VWA3B: variants seen among roughly 807,000 people sequenced by gnomAD.
VWA3B encodes the protein von Willebrand factor A domain-containing protein 3B.
In VWA3B, 138 loss-of-function variants were observed where a neutral mutation model predicts 158.3. The observed-to-expected ratio is 0.87, with a 90% confidence interval of 0.76 to 1.00. The LOEUF (loss-of-function observed/expected upper bound fraction) is 1.00. Among genes scored for constraint, VWA3B ranks in the 50% least tolerant of loss-of-function variants. The pLI, the probability that VWA3B is intolerant of heterozygous loss-of-function variation, is 0.00. For synonymous variants in VWA3B, 596 were observed against 587.3 expected (o/e 1.01, Z -0.21); for missense variants, 1,555 against 1,565.1 (o/e 0.99, Z 0.11).
chr2:98,329,424 G>A, the VWA3B span, among the ~76,000 whole-genome samples: 246 of 152,164 alleles, frequency 1.6e-3, 4 homozygotes, highest in Non-Finnish European at 8.4e-4. Context: ...GAAAATATTT[G>A]CAATACGTAT....
At chr2:98,241,808 G>A (rs1211543432) in intron 19 of VWA3B, among the ~76,000 whole-genome samples, 1 of 152,068 alleles carries the variant, frequency 6.6e-6, no homozygotes, top group Non-Finnish European at 1.5e-5. Flanking sequence ...GCACTGCACA[G>A]CACACTTGCC....
chr2:98,253,246 T>C (rs1335146434), intron 20 of VWA3B, among the ~76,000 whole-genome samples: 2 of 152,150 alleles, frequency 1.3e-5, no homozygotes, highest in Non-Finnish European at 2.9e-5. Context: ...ATAACATTTC[T>C]AAGGAGTTTT....
intron 6 of VWA3B, among the ~76,000 whole-genome samples, chr2:98,129,061 GTATT>G (rs1403243561): frequency 3.3e-5 from 5 of 151,540 alleles, no homozygotes; most frequent in African/African-American, 4.9e-5. Context: ...GGCTTAACAA[GTATT>G]TATTTCTTAC....
At chr2:98,192,824 C>T (rs1444301067) in intron 10 of VWA3B, 74 bp from the exon 11 acceptor site, 12 of 1,599,236 alleles carry the variant, frequency 7.5e-6, no homozygotes, top group Admixed American at 5.0e-5. Flanking sequence ...GCAGATGCAT[C>T]GTTAAGTTCT....
rs1677306501 is a variant in VWA3B, at chr2:98,147,921, A to G, written c.988+13982A>G. Among the ~76,000 whole-genome samples, 4 of 142,120 alleles carry G rather than the reference A, an allele frequency of 2.8e-5. No homozygotes were observed. The South Asian group carries it at 6.5e-4, about 23-fold the overall frequency. The allele number at this position is 142,120 out of a possible 152,430, so 93.2% of individuals were successfully genotyped here. ...TGTGTCCAAGTGTTCTCATTGTTCAATTCCCTATTCAGTTCCCTATGAGTG... is the reference window on the plus strand; with the variant it reads ...TGTGTCCAAGTGTTCTCATTGTTCAGTTCCCTATTCAGTTCCCTATGAGTG... On this transcript the variant is annotated intron_variant, in intron 7 of 27. Coordinates refer to ENST00000477737, the MANE Select transcript of VWA3B (RefSeq NM_144992.5).
intron 7 of VWA3B, among the ~76,000 whole-genome samples, chr2:98,142,723 ATAACT>A (rs1444312068): frequency 6.6e-6 from 1 of 152,226 alleles, no homozygotes; most frequent in Non-Finnish European, 1.5e-5. Context: ...GACCACTGAG[ATAACT>A]TAATTAGTTA....
At chr2:98,179,582 T>C (rs1370669373) in intron 8 of VWA3B, among the ~76,000 whole-genome samples, 1 of 152,184 alleles carries the variant, frequency 6.6e-6, no homozygotes. Context: ...CGCCTCCACC[T>C]CATCACTTCT....
chr2:98,225,793 CAGTG>C (rs1212193250), intron 14 of VWA3B, among the ~76,000 whole-genome samples: 1 of 150,800 alleles, frequency 6.6e-6, no homozygotes, highest in African/African-American at 2.4e-5. Flanking sequence ...GATAAAGTAA[CAGTG>C]AGCATGTGGA....
chr2:98,118,713 C>T (rs1469652981), intron 3 of VWA3B, among the ~76,000 whole-genome samples: 2 of 151,964 alleles, frequency 1.3e-5, no homozygotes, highest in African/African-American at 4.8e-5. Context: ...TGTATGGGAG[C>T]TCTGTTTTCA....
intron 16 of VWA3B, among the ~76,000 whole-genome samples, chr2:98,234,209 A>G (rs1208993850): frequency 1.3e-5 from 2 of 152,260 alleles, no homozygotes; most frequent in East Asian, 3.8e-4. Flanking sequence ...TGTGAAAAGC[A>G]GGGGCTATTT....
chr2:98,311,836 G>A lies in VWA3B; in HGVS notation c.3539G>A (p.Arg1180Lys). The stretch of plus-strand genomic sequence containing the variant: ...GTCTCTAGAGAGGATGTGGAGGCGA[G>A]GAACTCTGCTTTCCTCTTCTGGCCA... ...EDPEVEDVEA[R>K]NSAFLFWPLK... is the part of the protein sequence containing the mutation. The change falls in exon 27 of 28, where the codon AGG (arginine) becomes AAG (lysine). Residue 1180 changes from arginine to lysine, a missense_variant. Transcript: ENST00000477737. 6.2e-7 allele frequency: 1 copy of A among 1,608,798 alleles called. No individual in the cohort carries two copies. The highest frequency in any genetic ancestry group is 1.3e-5 in the African/African-American group (1 of 74,834).
chr2:98,162,891 G>A lies in VWA3B; in HGVS notation c.1029G>A (p.Glu343=). ...AGGACGTGTTTCTCGTTTGGCAAGAGATGGAGGAAGCCTGCAGCACGCTGG... is the reference window on the plus strand; with the variant it reads ...AGGACGTGTTTCTCGTTTGGCAAGAAATGGAGGAAGCCTGCAGCACGCTGG... The part of the protein sequence containing the change: ...VREDVFLVWQ[E]MEEACSTLAQ... The change falls in exon 8 of 28, where the codon GAG becomes GAA. Residue 343 remains glutamate (E), a synonymous_variant. Transcript: ENST00000477737. The A allele has an allele frequency of 6.2e-7, 1 of 1,613,982 alleles. No homozygotes were observed. The highest frequency in any genetic ancestry group is 8.5e-7 in the Non-Finnish European group (1 of 1,180,036).
chr2:98,269,716 A>G (rs1483874925), intron 21 of VWA3B, among the ~76,000 whole-genome samples: 1 of 152,006 alleles, frequency 6.6e-6, no homozygotes, highest in African/African-American at 2.4e-5. Context: ...AGGTGCCACA[A>G]CCTCTTCATT....
intron 13 of VWA3B, among the ~76,000 whole-genome samples, chr2:98,216,159 C>T (rs1683971734): frequency 6.6e-6 from 1 of 152,174 alleles, no homozygotes; most frequent in African/African-American, 2.4e-5. Flanking sequence ...TCCGAGGGAG[C>T]ATTATAAGGT....
intron 19 of VWA3B, among the ~76,000 whole-genome samples, chr2:98,238,077 A>T (rs1302185930): frequency 6.6e-6 from 1 of 152,236 alleles, no homozygotes; most frequent in Non-Finnish European, 1.5e-5. Context: ...ACTGGCCTTG[A>T]AATAGCTGAG....
chr2:98,270,448 T>G (rs1260587768), intron 21 of VWA3B, among the ~76,000 whole-genome samples: 1 of 152,210 alleles, frequency 6.6e-6, no homozygotes, highest in Non-Finnish European at 1.5e-5. Flanking sequence ...TAGGGAAAAG[T>G]GCCTACCATA....
chr2:98,329,822 T>TG, the VWA3B span, among the ~76,000 whole-genome samples: 82 of 152,314 alleles, frequency 5.4e-4, no homozygotes, highest in African/African-American at 2.0e-3. Flanking sequence ...GTGTCCTTTA[T>TG]GAAGAAGAAA....
At chr2:98,224,854 T>C (rs1324033126) in intron 14 of VWA3B, among the ~76,000 whole-genome samples, 3 of 152,054 alleles carry the variant, frequency 2.0e-5, no homozygotes, top group Non-Finnish European at 4.4e-5. Flanking sequence ...TTGAAATACA[T>C]CATGCAAAAA....
chr2:98,240,314 T>C (rs1685992290), intron 19 of VWA3B, among the ~76,000 whole-genome samples: 1 of 152,188 alleles, frequency 6.6e-6, no homozygotes, highest in Admixed American at 6.5e-5. Context: ...AGGTAGATGG[T>C]CTCATGCCTA....
Sources: allele counts gnomAD v4.1 joint callset (sites outside exome capture counted in the v4.1 genomes callset), GRCh38; gene constraint gnomAD v4.1.1; transcripts MANE v1.5; gene names NCBI Gene and HGNC (gene_info 2026-07-23, HGNC 2026-07-21).